NRP1: variants seen among roughly 807,000 people sequenced by gnomAD.
NRP1 encodes the protein neuropilin 1.
Under a neutral mutation model 106.7 loss-of-function variants are expected in NRP1, and 35 were observed. The observed-to-expected ratio is 0.33, with a 90% CI of 0.25 to 0.43. NRP1 has a LOEUF of 0.43. Among genes scored for constraint, NRP1 ranks in the 20% least tolerant of loss-of-function variants. The pLI, the probability that NRP1 is intolerant of heterozygous loss-of-function variation, is 1.00. For missense variants in NRP1, 1,024 were observed against 1,170.4 expected (o/e 0.87, Z 1.83); for synonymous variants, 437 against 417.9 (o/e 1.05, Z -0.56).
intron 2 of NRP1, among the ~76,000 whole-genome samples, chr10:33,271,605 G>T (rs1424003452): frequency 6.6e-6 from 1 of 152,180 alleles, no homozygotes; most frequent in Non-Finnish European, 1.5e-5. Flanking sequence ...AGAAAGAAAC[G>T]CTTGATACCA....
rs576453539 is a variant in NRP1, at chr10:33,214,540, C to T, written c.1283-823G>A. On this transcript the variant is annotated intron_variant, in intron 8 of 16. Transcript: ENST00000374867. ...CCTTTCTTCTGGATTTATCCTGATC[C>T]GAGCGCTCTGGCCAGGGTGCTACAT... is the stretch of plus-strand genomic sequence containing the variant. Among the ~76,000 whole-genome samples, 18 of 152,222 alleles carry T rather than the reference C, an allele frequency of 1.2e-4. No homozygotes were observed. In the South Asian group the frequency reaches 2.5e-3, roughly 21 times the overall value.
chr10:33,203,072 C>G (rs1197364739), intron 10 of NRP1, 77 bp from the exon 11 acceptor site: 2 of 1,448,736 alleles, frequency 1.4e-6, no homozygotes, highest in Admixed American at 4.3e-5. Context: ...GATCTGCTAA[C>G]GCTTATGCAG....
intron 8 of NRP1, among the ~76,000 whole-genome samples, chr10:33,220,169 G>T (rs564620481): frequency 6.6e-6 from 1 of 152,234 alleles, no homozygotes; most frequent in African/African-American, 2.4e-5. Context: ...TTTCCAAGCT[G>T]AACTCTACTA....
At chr10:33,291,442 TA>T (rs2132630652) in intron 2 of NRP1, among the ~76,000 whole-genome samples, 1 of 152,272 alleles carries the variant, frequency 6.6e-6, no homozygotes, top group East Asian at 1.9e-4. Context: ...AACAAACACA[TA>T]TTTCTCCCAT....
intron 5 of NRP1, among the ~76,000 whole-genome samples, chr10:33,254,445 T>C (rs1185525203): frequency 6.6e-6 from 1 of 152,220 alleles, no homozygotes; most frequent in African/African-American, 2.4e-5. Flanking sequence ...ATTTGAAATT[T>C]ACCAGGAAAT....
At chr10:33,182,647 A>G (rs1389038309) in intron 16 of NRP1, 51 bp downstream of exon 16, 11 of 1,276,666 alleles carry the variant, frequency 8.6e-6, no homozygotes, top group African/African-American at 4.4e-5. Flanking sequence ...CATAAACACA[A>G]TGAAAGCCAT....
chr10:33,236,354 T>C (rs904255993), intron 6 of NRP1, among the ~76,000 whole-genome samples: 7 of 152,268 alleles, frequency 4.6e-5, no homozygotes, highest in Non-Finnish European at 8.8e-5. Flanking sequence ...GCGCATGTGC[T>C]CTTGCTAGAT....
intron 13 of NRP1, among the ~76,000 whole-genome samples, chr10:33,190,091 T>A (rs112394204): frequency 6.6e-6 from 1 of 152,380 alleles, no homozygotes; most frequent in Non-Finnish European, 1.5e-5. Flanking sequence ...TCTCCTTCTC[T>A]GATACTCTAA....
chr10:33,184,698 A>G (rs1197113793), intron 15 of NRP1, among the ~76,000 whole-genome samples: 2 of 152,174 alleles, frequency 1.3e-5, no homozygotes, highest in African/African-American at 4.8e-5. Context: ...GCAAGCCTTT[A>G]TTCATTGCTC....
chr10:33,312,208 T>C (rs1846655030), intron 2 of NRP1, among the ~76,000 whole-genome samples: 1 of 152,242 alleles, frequency 6.6e-6, no homozygotes, highest in Non-Finnish European at 1.5e-5. Context: ...GAATCATTAA[T>C]AGGGCTCTTT....
intron 2 of NRP1, among the ~76,000 whole-genome samples, chr10:33,285,411 C>A (rs1844448191): frequency 6.6e-6 from 1 of 152,172 alleles, no homozygotes; most frequent in Non-Finnish European, 1.5e-5. Flanking sequence ...TTAGAACTTA[C>A]CACAATATTC....
rs1160327036 is a variant in NRP1, at chr10:33,199,389, A to ATTTT, written c.1865-1684_1865-1681dup. 1.1e-3 allele frequency among the ~76,000 whole-genome samples: 41 copies of ATTTT among 36,854 alleles called. 2 individuals are homozygous for ATTTT. Among genetic ancestry groups the ATTTT allele is most frequent in the Non-Finnish European group, 1.7e-3 (38 of 22,152 alleles). The allele number at this position is 36,854 out of a possible 152,430, so 24.2% of individuals were successfully genotyped here. A position where few individuals can be genotyped will look rare whatever the true frequency, so the allele number is the denominator to read the frequency against. On this transcript the variant is annotated intron_variant, in intron 11 of 16. Transcript: ENST00000374867. ...TTTCTATATATATATATATATATAT[A>ATTTT]TTTTTTTTTTTTTTTTTTTTTTTTT...
intron 2 of NRP1, among the ~76,000 whole-genome samples, chr10:33,322,889 A>T (rs895523406): frequency 6.6e-6 from 1 of 152,356 alleles, no homozygotes; most frequent in African/African-American, 2.4e-5. Flanking sequence ...GAATTTCCTC[A>T]TTCAAAAAGC....
chr10:33,330,930 G>T (rs1026748957), intron 1 of NRP1, 48 bp from the exon 2 acceptor site: 2 of 1,484,844 alleles, frequency 1.3e-6, no homozygotes, highest in Non-Finnish European at 9.2e-7. Context: ...CAACCTGTTA[G>T]GTAATCTAGC....
At chr10:33,187,686 T>A (rs1409513459) in intron 13 of NRP1, among the ~76,000 whole-genome samples, 10 of 152,332 alleles carry the variant, frequency 6.6e-5, no homozygotes, top group Non-Finnish European at 1.5e-4. Context: ...ATAGAAATCA[T>A]CTTCTCTAAC....
chr10:33,212,064 A>C (rs1474009292), intron 9 of NRP1: 1 of 152,108 alleles, frequency 6.6e-6, no homozygotes, highest in African/African-American at 2.4e-5. Context: ...TTTAGCCATC[A>C]CTCTAAGTAA....
intron 2 of NRP1, among the ~76,000 whole-genome samples, chr10:33,316,548 G>T (rs535649414): frequency 2.0e-3 from 299 of 152,300 alleles, no homozygotes; most frequent in Middle Eastern, 0.017. Context: ...TAGTGGCTAA[G>T]ATCAAAAAGC....
chr10:33,224,180 C>T (rs893828084), intron 7 of NRP1, among the ~76,000 whole-genome samples: 6 of 152,138 alleles, frequency 3.9e-5, no homozygotes, highest in Admixed American at 6.5e-5. Flanking sequence ...CTAAAGTGCT[C>T]AGAACAGATG....
intron 2 of NRP1, among the ~76,000 whole-genome samples, chr10:33,301,095 C>T (rs376348555): frequency 5.3e-5 from 8 of 152,150 alleles, no homozygotes; most frequent in South Asian, 2.1e-4. Flanking sequence ...AGGACGTTGC[C>T]ACACAAAACA....
Sources: gnomAD v4.1 joint callset for allele counts (sites outside exome capture counted in the v4.1 genomes callset) on GRCh38, gnomAD v4.1.1 for gene constraint, MANE v1.5 for transcripts, NCBI Gene and HGNC (gene_info 2026-07-23, HGNC 2026-07-21) for gene names.